The following ACYP2 variants were observed in gnomAD, a reference collection of about 807,000 sequenced individuals.
The protein encoded by ACYP2 is acylphosphatase 2.
In ACYP2, 12 loss-of-function variants were observed where a neutral mutation model predicts 11.2. The observed-to-expected ratio is 1.08, with a 90% CI of 0.69 to 1.74. The LOEUF (loss-of-function observed/expected upper bound fraction) is 1.74. Among genes scored for constraint, ACYP2 ranks in the 40% most tolerant of loss-of-function variants. ACYP2 has a pLI of 0.00. For synonymous variants in ACYP2, 43 were observed against 32.2 expected, an observed-to-expected ratio of 1.33 and a Z score of -1.13; for missense variants, 134 against 101.9, an observed-to-expected ratio of 1.31 and a Z score of -1.35.
chr2:54,200,624 A>C (rs1684715267), intron 6 of ACYP2, among the ~76,000 whole-genome samples: 1 of 152,208 alleles, frequency 6.6e-6, no homozygotes, highest in Non-Finnish European at 1.5e-5. Context: ...GAATAACATG[A>C]ATATGCCACA....
At chr2:54,138,852 G>A in intron 6 of ACYP2, 104 bp downstream of exon 3, 1 of 873,468 alleles carries the variant, frequency 1.1e-6, no homozygotes, top group Non-Finnish European at 1.8e-6. Context: ...GAGTGCAGTG[G>A]CACAATCTCG....
chr2:53,996,583 A>G (rs1207041935), intron 2 of ACYP2, among the ~76,000 whole-genome samples: 1 of 152,212 alleles, frequency 6.6e-6, no homozygotes, highest in Non-Finnish European at 1.5e-5. Flanking sequence ...ATGATCAGCC[A>G]CTGGTATGGG....
chr2:54,301,417 T>C (rs1301498488), intron 6 of ACYP2, among the ~76,000 whole-genome samples: 2 of 152,188 alleles, frequency 1.3e-5, no homozygotes, highest in Middle Eastern at 3.2e-3. Flanking sequence ...ATAAATCACA[T>C]TGCCTATCAT....
chr2:54,223,082 C>T (rs1230077078), intron 6 of ACYP2: 1 of 152,156 alleles, frequency 6.6e-6, no homozygotes, highest in African/African-American at 2.4e-5. Context: ...GCTGGAGTGT[C>T]AGTGAGTGCC....
At chr2:54,051,651 A>G in intron 3 of ACYP2, 1 of 730,742 alleles carries the variant, frequency 1.4e-6, no homozygotes, top group Non-Finnish European at 2.5e-6. Flanking sequence ...AAGGCTGCGA[A>G]GTTGAAGGAA....
At position 54,034,827 on chromosome 2, in the gene ACYP2, A is replaced by G. The variant is rs564494270; in HGVS notation, c.63-16131A>G. 2.0e-5 allele frequency among the ~76,000 whole-genome samples: 3 copies of G among 151,984 alleles called. No individual in the cohort carries two copies. In the South Asian group the frequency reaches 6.2e-4, roughly 32 times the overall value. On this transcript the variant is annotated intron_variant, in intron 2 of 6. Coordinates refer to ENST00000607452, the MANE Select transcript of ACYP2 (RefSeq NM_001320586.2). ...CATTCAAGACCAGCCTGGCCAACAT[A>G]GTAAAACCCCGTCTCTACTAAAAAT...
chr2:54,255,091 A>G lies in ACYP2; in HGVS notation c.405-49597A>G, dbSNP rs767018068. 4 of 1,614,038 alleles carry G rather than the reference A, an allele frequency of 2.5e-6. No homozygotes were observed. In the African/African-American group the frequency reaches 5.3e-5, roughly 22 times the overall value. Reference sequence around the variant, plus strand: ...GGACTCTGGAAGGCTGTGGTCTGAAAACCAGGTGAAGAAGCTGCAGATGAC... The same window carrying G: ...GGACTCTGGAAGGCTGTGGTCTGAAGACCAGGTGAAGAAGCTGCAGATGAC... On this transcript the variant is annotated intron_variant, in intron 6 of 6. Transcript: ENST00000607452.
chr2:53,982,226 A>G (rs1671799236), intron 2 of ACYP2, among the ~76,000 whole-genome samples: 1 of 152,222 alleles, frequency 6.6e-6, no homozygotes, highest in African/African-American at 2.4e-5. Context: ...CATAATTTGA[A>G]TAGCCAGCAA....
chr2:53,979,493 G>C (rs1303031899), intron 2 of ACYP2, among the ~76,000 whole-genome samples: 1 of 151,606 alleles, frequency 6.6e-6, no homozygotes, highest in East Asian at 2.0e-4. Context: ...CAGGCATGGG[G>C]GTATGCACCT....
chr2:54,208,825 G>T (rs1361779574), intron 6 of ACYP2, among the ~76,000 whole-genome samples: 1 of 151,948 alleles, frequency 6.6e-6, no homozygotes, highest in Non-Finnish European at 1.5e-5. Context: ...ATGGGAGTAG[G>T]CATTTGTTGC....
intron 4 of ACYP2, among the ~76,000 whole-genome samples, chr2:54,104,089 C>T (rs143486992): frequency 2.2e-4 from 34 of 152,284 alleles, no homozygotes; most frequent in African/African-American, 7.9e-4. Flanking sequence ...CCTCTATTGG[C>T]GGTAGAGACT....
intron 6 of ACYP2, among the ~76,000 whole-genome samples, chr2:54,232,862 C>T (rs926032987): frequency 6.6e-6 from 1 of 152,134 alleles, no homozygotes; most frequent in East Asian, 1.9e-4. Flanking sequence ...GATGCAGTCA[C>T]CTCCCACCAG....
intron 6 of ACYP2, among the ~76,000 whole-genome samples, chr2:54,153,256 AC>A (rs953180651): frequency 6.1e-5 from 6 of 98,980 alleles, no homozygotes; most frequent in African/African-American, 2.2e-4. Context: ...TGTTCTTGGA[AC>A]CTTTGGAAAA....
intron 6 of ACYP2, among the ~76,000 whole-genome samples, chr2:54,161,121 A>T (rs982856030): frequency 3.3e-5 from 5 of 152,180 alleles, no homozygotes; most frequent in Non-Finnish European, 7.3e-5. Context: ...CCTCCAGGTG[A>T]CTGTGATCCA....
chr2:54,283,197 T>C lies in ACYP2; in HGVS notation c.405-21491T>C, dbSNP rs149585535. Among the ~76,000 whole-genome samples, 142 of 152,350 alleles carry C rather than the reference T, an allele frequency of 9.3e-4. 1 individual carries two copies. Among genetic ancestry groups the C allele is most frequent in the African/African-American group, 3.4e-3 (140 of 41,578 alleles). Reference sequence around the variant, plus strand: ...ATACATATACAATTCCTGTTAGATATGAATATCTTGCCTCAAGATTTTTAT... The same window carrying C: ...ATACATATACAATTCCTGTTAGATACGAATATCTTGCCTCAAGATTTTTAT... On this transcript the variant is annotated intron_variant, in intron 6 of 6. Coordinates refer to ENST00000607452, the MANE Select transcript of ACYP2 (RefSeq NM_001320586.2).
chr2:54,192,531 C>G (rs908812769), intron 6 of ACYP2, among the ~76,000 whole-genome samples: 2 of 152,036 alleles, frequency 1.3e-5, no homozygotes, highest in African/African-American at 2.4e-5. Context: ...ATATAAGTTT[C>G]TAATTCCAGC....
At chr2:54,050,774 A>T (rs1023982382) in intron 2 of ACYP2, among the ~76,000 whole-genome samples, 15 of 151,810 alleles carry the variant, frequency 9.9e-5, no homozygotes, top group African/African-American at 3.4e-4. Flanking sequence ...TCTTTTTAAA[A>T]TTTTATTTAT....
chr2:54,288,361 TG>T lies in ACYP2; in HGVS notation c.405-16326del, dbSNP rs1221202567. Among the ~76,000 whole-genome samples the T allele has an allele frequency of 1.8e-4, 27 of 152,042 alleles. 1 individual carries two copies. Among genetic ancestry groups the T allele is most frequent in the African/African-American group, 5.3e-4 (22 of 41,326 alleles). On this transcript the variant is annotated intron_variant, in intron 6 of 6. Transcript: ENST00000607452. ...TTGTCTGAGGTAGTGATTTGTTAAG[TG>T]AAAAGCAGTGGGTGGTGTAGTTTTT...
At chr2:54,220,270 C>A (rs1297067022) in intron 6 of ACYP2, among the ~76,000 whole-genome samples, 4 of 152,090 alleles carry the variant, frequency 2.6e-5, no homozygotes, top group Non-Finnish European at 4.4e-5. Context: ...TAATACCCAA[C>A]TGTAATCTTT....
Sources: allele counts gnomAD v4.1 joint callset (sites outside exome capture counted in the v4.1 genomes callset), GRCh38; gene constraint gnomAD v4.1.1; transcripts MANE v1.5; gene names NCBI Gene and HGNC (gene_info 2026-07-23, HGNC 2026-07-21).